The following FMNL2 variants were observed in gnomAD, a reference collection of about 807,000 sequenced individuals.
FMNL2 encodes formin like 2.
A neutral mutation model predicts 130.2 loss-of-function variants in FMNL2; 51 were observed. The ratio of observed to expected loss-of-function variants is 0.39; its 90% CI spans 0.31 to 0.49. The LOEUF is 0.49. Ranked by LOEUF, FMNL2 falls within the 20% of genes least tolerant of loss-of-function variation. FMNL2 has a pLI of 0.85. For synonymous variants in FMNL2, 465 were observed against 467.1 expected (o/e 1.00, Z 0.06); for missense variants, 977 against 1,316.2 (o/e 0.74, Z 3.99).
chr2:152,382,276 A>G (rs996159112), intron 1 of FMNL2, among the ~76,000 whole-genome samples: 2 of 152,214 alleles, frequency 1.3e-5, no homozygotes, highest in African/African-American at 2.4e-5. Context: ...GTGCCAGCCA[A>G]TTACATTTGC....
intron 1 of FMNL2, among the ~76,000 whole-genome samples, chr2:152,360,983 A>T (rs1370661619): frequency 1.3e-5 from 2 of 152,192 alleles, no homozygotes; most frequent in African/African-American, 4.8e-5. Flanking sequence ...GTAATTGCTA[A>T]GATTGGAAAC....
intron 13 of FMNL2, 102 bp from the exon 14 acceptor site, chr2:152,618,744 T>C (rs62179599): frequency 0.036 from 36,362 of 1,022,584 alleles, 870 homozygotes; most frequent in Non-Finnish European, 0.044. Context: ...TTCCCATTCA[T>C]ATGAGTATCT....
chr2:152,421,869 A>C (rs535950832), intron 1 of FMNL2, among the ~76,000 whole-genome samples: 2 of 152,342 alleles, frequency 1.3e-5, no homozygotes, highest in South Asian at 4.1e-4. Flanking sequence ...ATATTTAACT[A>C]TGAAGTAATT....
At chr2:152,373,717 T>C (rs941667398) in intron 1 of FMNL2, among the ~76,000 whole-genome samples, 3 of 149,870 alleles carry the variant, frequency 2.0e-5, no homozygotes, top group African/African-American at 7.4e-5. Flanking sequence ...TTGTGGAAAT[T>C]TTTTTTTTTT....
At chr2:152,478,114 A>G (rs1419366385) in intron 1 of FMNL2, among the ~76,000 whole-genome samples, 1 of 151,752 alleles carries the variant, frequency 6.6e-6, no homozygotes, top group Admixed American at 6.6e-5. Flanking sequence ...TAAAAGCCAA[A>G]CACTGCCTTG....
chr2:152,590,003 A>ATG (rs1558988558), intron 9 of FMNL2, among the ~76,000 whole-genome samples: 42 of 114,638 alleles, frequency 3.7e-4, no homozygotes, highest in African/African-American at 1.2e-3. Context: ...ATATGTATAT[A>ATG]TATATACATA....
chr2:152,527,708 A>G (rs971301514), intron 2 of FMNL2, among the ~76,000 whole-genome samples: 2 of 152,010 alleles, frequency 1.3e-5, no homozygotes, highest in African/African-American at 4.8e-5. Flanking sequence ...AATCAATGTG[A>G]TATTATTTTT....
rs539271414 is a variant in FMNL2 at position 152,488,662 on chromosome 2, A to G, written c.118-33281A>G. Among the ~76,000 whole-genome samples, 3 of 152,368 alleles carry G rather than the reference A, an allele frequency of 2.0e-5. No homozygotes were observed. In the East Asian group the frequency reaches 5.8e-4, roughly 29 times the overall value. On this transcript the variant is annotated intron_variant, in intron 1 of 25. Transcript: ENST00000288670. ...TGTATATATGCACACACACACATAT[A>G]TATTTAAAATCACAGTACTTAATTA...
At chr2:152,509,556 T>A (rs1331551040) in intron 1 of FMNL2, among the ~76,000 whole-genome samples, 1 of 151,888 alleles carries the variant, frequency 6.6e-6, no homozygotes, top group Admixed American at 6.6e-5. Flanking sequence ...TCACATTTGG[T>A]CCCTTGAACA....
At chr2:152,407,198 G>GT (rs57572263) in intron 1 of FMNL2, among the ~76,000 whole-genome samples, 39,320 of 148,870 alleles carry the variant, frequency 0.26, 5,500 homozygotes, top group Admixed American at 0.38. Flanking sequence ...TTCTGTTTTT[G>GT]TTTTTTTTTT....
chr2:152,631,183 T>C (rs1480942053), intron 20 of FMNL2, among the ~76,000 whole-genome samples: 1 of 151,740 alleles, frequency 6.6e-6, no homozygotes, highest in Non-Finnish European at 1.5e-5. Flanking sequence ...GTCAGGAGTT[T>C]GAGAGCAGCC....
At chr2:152,425,713 G>A (rs144914932) in intron 1 of FMNL2, among the ~76,000 whole-genome samples, 146 of 152,270 alleles carry the variant, frequency 9.6e-4, no homozygotes, top group Admixed American at 2.0e-3. Context: ...CATCTTGAGC[G>A]GAGCTTTAAG....
At chr2:152,422,534 T>C (rs1489380606) in intron 1 of FMNL2, among the ~76,000 whole-genome samples, 2 of 152,028 alleles carry the variant, frequency 1.3e-5, no homozygotes, top group Non-Finnish European at 2.9e-5. Flanking sequence ...GTGGGGGAGT[T>C]TTCCTTGGGA....
At chr2:152,412,444 T>TTTTA (rs1382641412) in intron 1 of FMNL2, among the ~76,000 whole-genome samples, 2 of 103,366 alleles carry the variant, frequency 1.9e-5, no homozygotes, top group African/African-American at 8.1e-5. Context: ...CTTCTGTATA[T>TTTTA]TTTATATATA....
chr2:152,479,999 A>G (rs767918523), intron 1 of FMNL2, among the ~76,000 whole-genome samples: 1 of 152,226 alleles, frequency 6.6e-6, no homozygotes, highest in African/African-American at 2.4e-5. Context: ...GCGGAAGAAC[A>G]TAAATGAATG....
At chr2:152,520,158 A>G (rs995047902) in intron 1 of FMNL2, among the ~76,000 whole-genome samples, 3 of 152,348 alleles carry the variant, frequency 2.0e-5, no homozygotes, top group African/African-American at 7.2e-5. Flanking sequence ...TAGATATTCC[A>G]TGAAGACAGG....
intron 9 of FMNL2, among the ~76,000 whole-genome samples, chr2:152,592,859 C>T (rs146727607): frequency 6.6e-6 from 1 of 152,200 alleles, no homozygotes; most frequent in African/African-American, 2.4e-5. Flanking sequence ...CACACATGTT[C>T]GTATATTGTC....
intron 1 of FMNL2, among the ~76,000 whole-genome samples, chr2:152,448,719 T>A (rs1470228226): frequency 6.6e-6 from 1 of 152,222 alleles, no homozygotes; most frequent in East Asian, 1.9e-4. Context: ...TGCACCATTT[T>A]CAGCATTGAA....
At chr2:152,568,875 A>G (rs1398493547) in intron 6 of FMNL2, among the ~76,000 whole-genome samples, 1 of 152,194 alleles carries the variant, frequency 6.6e-6, no homozygotes, top group Admixed American at 6.5e-5. Flanking sequence ...GGGTACAGAC[A>G]CAGCCAAACC....
Sources: gnomAD v4.1 joint callset for allele counts (sites outside exome capture counted in the v4.1 genomes callset) on GRCh38, gnomAD v4.1.1 for gene constraint, MANE v1.5 for transcripts, NCBI Gene and HGNC (gene_info 2026-07-23, HGNC 2026-07-21) for gene names.